BICRA: variants seen among roughly 807,000 people sequenced by gnomAD.
BICRA encodes BRD4 interacting chromatin remodeling complex associated protein.
BICRA carries 31 observed loss-of-function variants against 96.9 expected under a neutral mutation model. The observed-to-expected ratio is 0.32, with a 90% CI of 0.24 to 0.43. The LOEUF (loss-of-function observed/expected upper bound fraction) is 0.43, where lower values mean the gene tolerates loss of function less well. Among genes scored for constraint, BICRA ranks in the 20% least tolerant of loss-of-function variants. BICRA has a pLI of 1.00. For synonymous variants in BICRA, 1,350 were observed against 1,071.8 expected, an observed-to-expected ratio of 1.26 and a Z score of -5.07; for missense variants, 2,283 against 2,190.3, an observed-to-expected ratio of 1.04 and a Z score of -0.84.
At chr19:47,693,125 G>A (rs994897180) in intron 7 of BICRA, among the ~76,000 whole-genome samples, 2 of 152,254 alleles carry the variant, frequency 1.3e-5, no homozygotes, top group African/African-American at 4.8e-5. Flanking sequence ...TTACTAGGAT[G>A]CAGATTCTGT....
At chr19:47,658,818 G>A (rs1299939973) in intron 1 of BICRA, among the ~76,000 whole-genome samples, 1 of 152,018 alleles carries the variant, frequency 6.6e-6, no homozygotes, top group African/African-American at 2.4e-5. Context: ...ACAAACCCGT[G>A]CGCACGTCTT....
At chr19:47,696,811 C>T (rs1599868499) in intron 11 of BICRA, among the ~76,000 whole-genome samples, 2 of 151,490 alleles carry the variant, frequency 1.3e-5, no homozygotes, top group South Asian at 2.1e-4. Flanking sequence ...GGCTGGGCCG[C>T]GTCGGTGCTG....
In BICRA at chr19:47,701,870, C is replaced by G. The variant is rs1973458249; in HGVS notation, c.4138C>G (p.Pro1380Ala). 1 of 1,478,852 alleles carries G rather than the reference C, an allele frequency of 6.8e-7. No individual in the cohort carries two copies. Among genetic ancestry groups the G allele is most frequent in the Non-Finnish European group, 8.9e-7 (1 of 1,120,650 alleles). 91.6% of individuals were successfully genotyped at this position (1,478,852 alleles called of 1,614,324 possible). ...CGAGCGCAAGCCCCTGGGCACCGCC[C>G]CGCACTGCCCGCGCCTGCCACTGCG... ...APERKPLGTA[P>A]HCPRLPLRKT... The change falls in exon 15 of 15, where the codon CCG becomes GCG. Residue 1380 changes from proline to alanine, a missense_variant. Coordinates refer to ENST00000594866, the MANE Select transcript of BICRA (RefSeq NM_001394372.1). This position sits in a 1 kb window ranked among gnomAD's most constrained non-coding sequence, Gnocchi z 5.4.
chr19:47,699,112 GC>G lies in BICRA; in HGVS notation c.3492+57del. 1 of 1,258,784 alleles carries G rather than the reference GC, an allele frequency of 7.9e-7. No homozygotes were observed. 78.0% of individuals were successfully genotyped at this position (1,258,784 alleles called of 1,614,324 possible). A position where few individuals can be genotyped will look rare whatever the true frequency, so the allele number is the denominator to read the frequency against. ...CTGGGCTCCTCCTCGCTGGGACACT[GC>G]CCCTTTCCCTCACCCGCTCTGGGCA... On this transcript the variant is annotated intron_variant, in intron 13 of 14. Transcript: ENST00000594866. This position sits in a 1 kb window ranked among gnomAD's most constrained non-coding sequence, Gnocchi z 5.0.
At chr19:47,610,432 C>T (rs1246637315) in intron 1 of BICRA, among the ~76,000 whole-genome samples, 2 of 152,158 alleles carry the variant, frequency 1.3e-5, no homozygotes, top group Non-Finnish European at 2.9e-5. Context: ...CTCCGCGCCC[C>T]TTTGTTTTGC....
At chr19:47,660,025 G>T (rs569009377) in intron 1 of BICRA, among the ~76,000 whole-genome samples, 1 of 152,260 alleles carries the variant, frequency 6.6e-6, no homozygotes, top group Non-Finnish European at 1.5e-5. Context: ...AAACTTACAT[G>T]TACATTAGTT....
chr19:47,612,139 G>T (rs1971916823), intron 1 of BICRA, among the ~76,000 whole-genome samples: 1 of 152,128 alleles, frequency 6.6e-6, no homozygotes, highest in Admixed American at 6.6e-5. Flanking sequence ...TTAAGGCCAG[G>T]TGCCATGGCT....
At chr19:47,669,269 A>G (rs1034583416) in intron 1 of BICRA, among the ~76,000 whole-genome samples, 1 of 152,036 alleles carries the variant, frequency 6.6e-6, no homozygotes, top group African/African-American at 2.4e-5. Flanking sequence ...CATGAGTTCA[A>G]TGTGAATGAA....
At position 47,679,687 on chromosome 19, in the gene BICRA, C is replaced by G. The variant is rs1458289504; in HGVS notation, c.517C>G (p.Pro173Ala). ...STDLLGLQGP[P>A]TVLTHQALVP... ...CGACCTGCTGGGGCTGCAGGGCCCG[C>G]CTACCGTGCTGACCCACCAGGCCCT... The change falls in exon 6 of 15, where the codon CCT (proline) becomes GCT (alanine). Residue 173 changes from proline to alanine, a missense_variant. Pro to Ala is a conservative substitution (Grantham distance 27). Transcript: ENST00000594866. 6.6e-7 allele frequency: 1 copy of G among 1,526,470 alleles called. No individual in the cohort carries two copies. Among genetic ancestry groups the G allele is most frequent in the African/African-American group, 1.4e-5 (1 of 72,294 alleles). The allele number at this position is 1,526,470 out of a possible 1,614,324, so 94.6% of individuals were successfully genotyped here.
chr19:47,670,009 T>C (rs1972840324), intron 1 of BICRA, among the ~76,000 whole-genome samples: 2 of 151,548 alleles, frequency 1.3e-5, no homozygotes, highest in Admixed American at 1.3e-4. Flanking sequence ...TGGAGTGTAA[T>C]GCCACTATCC....
rs760739558 is a variant in BICRA at position 47,679,686 on chromosome 19, G to A, written c.516G>A (p.Pro172=). ...GSTDLLGLQG[P]PTVLTHQALV... ...CCGACCTGCTGGGGCTGCAGGGCCC[G>A]CCTACCGTGCTGACCCACCAGGCCC... Residue 172 remains proline, a synonymous_variant, in exon 6 of 15, where the codon CCG becomes CCA. Coordinates refer to ENST00000594866, the MANE Select transcript of BICRA (RefSeq NM_001394372.1). 9 of 1,524,880 alleles carry A rather than the reference G, an allele frequency of 5.9e-6. No homozygotes were observed. Among genetic ancestry groups the A allele is most frequent in the Non-Finnish European group, 7.0e-6 (8 of 1,138,168 alleles). 94.5% of individuals were successfully genotyped at this position (1,524,880 alleles called of 1,614,324 possible). A position where few individuals can be genotyped will look rare whatever the true frequency, so the allele number is the denominator to read the frequency against.
At position 47,680,670 on chromosome 19, in the gene BICRA, C is replaced by A; in HGVS notation, c.1500C>A (p.Ala500=). 1 of 1,605,326 alleles carries A rather than the reference C, an allele frequency of 6.2e-7. No homozygotes were observed. Among genetic ancestry groups the A allele is most frequent in the Non-Finnish European group, 8.5e-7 (1 of 1,176,096 alleles). Reference sequence around the variant, plus strand: ...ACGTGGGCGGGCAGATCCTGGCGGCCGCTGCCCCCCACACAGGTGGACAGC... The same window carrying A: ...ACGTGGGCGGGCAGATCCTGGCGGCAGCTGCCCCCCACACAGGTGGACAGC... ...PANVGGQILA[A]AAPHTGGQLI... is the part of the protein sequence containing the mutation. Residue 500 remains alanine, a synonymous_variant, in exon 6 of 15, where the codon GCC becomes GCA. Coordinates refer to ENST00000594866, the MANE Select transcript of BICRA (RefSeq NM_001394372.1).
chr19:47,659,565 A>C (rs1314155984), intron 1 of BICRA, among the ~76,000 whole-genome samples: 1 of 151,822 alleles, frequency 6.6e-6, no homozygotes, highest in African/African-American at 2.4e-5. Flanking sequence ...TGTGGATGCC[A>C]CCCTTCTCTG....
At chr19:47,644,149 G>A (rs1054465445) in intron 1 of BICRA, among the ~76,000 whole-genome samples, 1 of 151,936 alleles carries the variant, frequency 6.6e-6, no homozygotes, top group Non-Finnish European at 1.5e-5. Flanking sequence ...CTCCCAAGTG[G>A]CTAGGACTAC....
intron 1 of BICRA, among the ~76,000 whole-genome samples, chr19:47,650,552 C>T (rs114949072): frequency 0.021 from 3,167 of 152,148 alleles, 101 homozygotes; most frequent in African/African-American, 0.073. Flanking sequence ...CCACTGTGCC[C>T]GGCCAGTTTT....
chr19:47,676,407 A>G (rs1422363776), intron 5 of BICRA, among the ~76,000 whole-genome samples: 2 of 152,100 alleles, frequency 1.3e-5, no homozygotes, highest in African/African-American at 2.4e-5. Context: ...AGAGTGGCCA[A>G]TGCAGAGGAT....
At chr19:47,612,916 C>T (rs1971930589) in intron 1 of BICRA, among the ~76,000 whole-genome samples, 1 of 151,966 alleles carries the variant, frequency 6.6e-6, no homozygotes, top group African/African-American at 2.4e-5. Flanking sequence ...AGTTATTTCC[C>T]TTGGCGAGAT....
At chr19:47,627,215 GCTT>G (rs1240138120) in intron 1 of BICRA, among the ~76,000 whole-genome samples, 2 of 152,094 alleles carry the variant, frequency 1.3e-5, no homozygotes, top group African/African-American at 4.8e-5. Context: ...GGCCACCTCA[GCTT>G]CTTTCAGAGA....
At chr19:47,685,799 G>GCGCGCGCGCGCGCGCGCA (rs141802949) in intron 7 of BICRA, among the ~76,000 whole-genome samples, 21 of 148,732 alleles carry the variant, frequency 1.4e-4, no homozygotes, top group Non-Finnish European at 2.8e-4. Flanking sequence ...GCGCGCGCGC[G>GCGCGCGCGCGCGCGCGCA]CATGCGTACA....
Sources: allele counts gnomAD v4.1 joint callset (sites outside exome capture counted in the v4.1 genomes callset), GRCh38; gene constraint gnomAD v4.1.1; non-coding constraint Gnocchi (gnomAD v3.1); transcripts MANE v1.5; gene names NCBI Gene and HGNC (gene_info 2026-07-23, HGNC 2026-07-21).